CAMTA1: variants seen among roughly 807,000 people sequenced by gnomAD.
The protein encoded by CAMTA1 is calmodulin-binding transcription activator 1.
CAMTA1 carries 27 observed loss-of-function variants against 170.9 expected under a neutral mutation model. That is an observed-to-expected ratio of 0.16 (90% CI 0.12 to 0.22). CAMTA1 has a LOEUF of 0.22. Ranked by LOEUF, CAMTA1 falls within the 10% of genes least tolerant of loss-of-function variation. The pLI, the probability that CAMTA1 is intolerant of heterozygous loss-of-function variation, is 1.00. For missense variants in CAMTA1, 1,619 were observed against 2,217.2 expected (o/e 0.73, Z 5.42); for synonymous variants, 833 against 891.5 (o/e 0.93, Z 1.17).
intron 3 of CAMTA1, among the ~76,000 whole-genome samples, chr1:6,837,450 G>C (rs546556125): frequency 5.9e-5 from 9 of 152,220 alleles, no homozygotes; most frequent in African/African-American, 2.2e-4. Context: ...GAGAGACAAG[G>C]GGAAAACACT....
At chr1:7,454,622 G>A (rs906263345) in intron 5 of CAMTA1, among the ~76,000 whole-genome samples, 3 of 152,134 alleles carry the variant, frequency 2.0e-5, no homozygotes, top group Non-Finnish European at 2.9e-5. Context: ...CAGGAGGACC[G>A]AGTGAGTTTC....
At chr1:7,357,925 G>A (rs1007208476) in intron 5 of CAMTA1, among the ~76,000 whole-genome samples, 4 of 152,188 alleles carry the variant, frequency 2.6e-5, no homozygotes, top group African/African-American at 9.7e-5. Context: ...ATCTTCCCTA[G>A]AAGGCTGATC....
At chr1:7,616,481 C>G (rs1332511525) in intron 6 of CAMTA1, among the ~76,000 whole-genome samples, 2 of 152,228 alleles carry the variant, frequency 1.3e-5, no homozygotes, top group Non-Finnish European at 2.9e-5. Flanking sequence ...CCGGTCAGCC[C>G]AGGACTGCAA....
chr1:7,151,342 G>C (rs538187252), intron 4 of CAMTA1, among the ~76,000 whole-genome samples: 2 of 152,170 alleles, frequency 1.3e-5, no homozygotes, highest in Admixed American at 1.3e-4. Flanking sequence ...CAGGCCTGGG[G>C]CCCCCAGTTC....
chr1:7,165,721 C>T (rs1444169370), intron 4 of CAMTA1, among the ~76,000 whole-genome samples: 2 of 152,200 alleles, frequency 1.3e-5, no homozygotes, highest in East Asian at 1.9e-4. Flanking sequence ...CGTGAGCCAC[C>T]ACGCCTGGCC....
At chr1:6,840,147 C>G (rs529312580) in intron 3 of CAMTA1, among the ~76,000 whole-genome samples, 2 of 151,930 alleles carry the variant, frequency 1.3e-5, no homozygotes, top group African/African-American at 4.8e-5. Flanking sequence ...TGCAGTGAGT[C>G]GAGATCGTGC....
At chr1:7,099,573 C>T (rs971397142) in intron 4 of CAMTA1, among the ~76,000 whole-genome samples, 36 of 152,280 alleles carry the variant, frequency 2.4e-4, no homozygotes, top group African/African-American at 8.2e-4. Context: ...CATCATCTTC[C>T]GGCTTCCTCA....
chr1:7,684,459 G>A (rs2096241538), intron 11 of CAMTA1, among the ~76,000 whole-genome samples: 1 of 152,204 alleles, frequency 6.6e-6, no homozygotes, highest in African/African-American at 2.4e-5. Flanking sequence ...CAGAGTTCAA[G>A]GTCCCAGAGA....
In CAMTA1 at chr1:7,682,351, C is replaced by G. The variant is rs1230456052; in HGVS notation, c.2914+4618C>G. Among the ~76,000 whole-genome samples, 3 of 152,238 alleles carry G rather than the reference C, an allele frequency of 2.0e-5. No homozygotes were observed. The highest frequency in any genetic ancestry group is 2.9e-5 in the Non-Finnish European group (2 of 68,042). On this transcript the variant is annotated intron_variant, in intron 11 of 22. Coordinates refer to ENST00000303635, the MANE Select transcript of CAMTA1 (RefSeq NM_015215.4). The surrounding 1 kb of genome is among the most constrained non-coding windows in gnomAD (Gnocchi z 5.0). The stretch of plus-strand genomic sequence containing the variant: ...CCTGTGACTTCTGGGGCAGCCTGGC[C>G]CTGGGGTAGGTGTCTGGGAAGACTG...
intron 3 of CAMTA1, among the ~76,000 whole-genome samples, chr1:6,949,506 C>G (rs893782451): frequency 6.6e-6 from 1 of 152,208 alleles, no homozygotes; most frequent in Non-Finnish European, 1.5e-5. Flanking sequence ...CCTCCAAGAT[C>G]ACAGAACTCC....
chr1:7,034,972 G>C (rs940945195), intron 3 of CAMTA1, among the ~76,000 whole-genome samples: 4 of 152,070 alleles, frequency 2.6e-5, no homozygotes, highest in African/African-American at 9.7e-5. Flanking sequence ...TGCTCATTTA[G>C]CTTGTAACTC....
chr1:6,955,251 T>A (rs2149493308), intron 3 of CAMTA1, among the ~76,000 whole-genome samples: 1 of 152,160 alleles, frequency 6.6e-6, no homozygotes, highest in Admixed American at 6.5e-5. Context: ...ACGGTGATGA[T>A]GATGATGTCA....
At chr1:7,613,960 G>A (rs2095541771) in intron 6 of CAMTA1, among the ~76,000 whole-genome samples, 1 of 144,148 alleles carries the variant, frequency 6.9e-6, no homozygotes, top group Non-Finnish European at 1.5e-5. Flanking sequence ...GAGGGGTGAG[G>A]AGAGGAGAGC....
intron 18 of CAMTA1, among the ~76,000 whole-genome samples, chr1:7,747,426 C>G (rs944833259): frequency 4.6e-5 from 7 of 152,282 alleles, no homozygotes; most frequent in African/African-American, 1.7e-4. Flanking sequence ...TAGTTGAGAT[C>G]TGGCAAGACA....
intron 3 of CAMTA1, among the ~76,000 whole-genome samples, chr1:6,974,550 G>C (rs1003703868): frequency 2.0e-4 from 30 of 152,198 alleles, no homozygotes; most frequent in African/African-American, 6.5e-4. Flanking sequence ...GCGAGGCCAG[G>C]GAGATGGAAG....
chr1:7,029,283 C>A (rs1192156600), intron 3 of CAMTA1, among the ~76,000 whole-genome samples: 1 of 151,788 alleles, frequency 6.6e-6, no homozygotes, highest in Non-Finnish European at 1.5e-5. Context: ...GGGTGGATCA[C>A]AAGGTCAGGA....
At chr1:7,120,981 C>T (rs1234042472) in intron 4 of CAMTA1, among the ~76,000 whole-genome samples, 1 of 152,210 alleles carries the variant, frequency 6.6e-6, no homozygotes, top group Non-Finnish European at 1.5e-5. Context: ...GGTTGTTTTG[C>T]AGAAGTGCTC....
intron 3 of CAMTA1, among the ~76,000 whole-genome samples, chr1:6,996,217 A>C (rs1217116892): frequency 6.6e-6 from 1 of 152,228 alleles, no homozygotes; most frequent in Non-Finnish European, 1.5e-5. Flanking sequence ...TTTTCTCTTG[A>C]GTATGAGTTG....
intron 4 of CAMTA1, among the ~76,000 whole-genome samples, chr1:7,121,707 C>G (rs913687537): frequency 6.6e-6 from 1 of 152,192 alleles, no homozygotes; most frequent in East Asian, 1.9e-4. Flanking sequence ...GGGTACACAG[C>G]CCGAGACGGG....
Sources: gnomAD v4.1 joint callset for allele counts (sites outside exome capture counted in the v4.1 genomes callset) on GRCh38, gnomAD v4.1.1 for gene constraint, Gnocchi (gnomAD v3.1) non-coding constraint, MANE v1.5 for transcripts, NCBI Gene and HGNC (gene_info 2026-07-23, HGNC 2026-07-21) for gene names.